FTCD: variants seen among roughly 807,000 people sequenced by gnomAD.
The protein encoded by FTCD is formimidoyltransferase cyclodeaminase, also known as formimidoyltransferase-cyclodeaminase.
Under a neutral mutation model 62.9 loss-of-function variants are expected in FTCD, and 76 were observed. The ratio of observed to expected loss-of-function variants is 1.21; its 90% CI spans 1.00 to 1.46. The LOEUF is 1.46. Ranked by LOEUF, FTCD falls within the 40% of genes most tolerant of loss-of-function variation. The pLI, the probability that FTCD is intolerant of heterozygous loss-of-function variation, is 0.00. For missense variants in FTCD, 845 were observed against 751.3 expected, an observed-to-expected ratio of 1.12 and a Z score of -1.46; for synonymous variants, 397 against 336.9, an observed-to-expected ratio of 1.18 and a Z score of -1.95.
Position 46,137,347 on chromosome 21 carries a change from C to T in FTCD, c.1444-13G>A. On this transcript the variant is annotated splice_polypyrimidine_tract_variant and intron_variant, in intron 12 of 13. Coordinates refer to ENST00000397746, the MANE Select transcript of FTCD (RefSeq NM_206965.2). ...CTTTGGCCGCCACCTGCAAGGACCC[C>T]AGGGAGCCCCTACATGGATCAAGGC... The T allele has an allele frequency of 1.2e-6, 2 of 1,601,494 alleles. No homozygotes were observed. The highest frequency in any genetic ancestry group is 8.6e-7 in the Non-Finnish European group (1 of 1,169,510).
intron 5 of FTCD, 132 bp from the exon 6 acceptor site, chr21:46,150,657 C>T: frequency 1.1e-6 from 1 of 936,844 alleles, no homozygotes; most frequent in Non-Finnish European, 1.7e-6. Context: ...TGTGGTTCTC[C>T]TCCGTCCCTC....
chr21:46,150,320 G>C lies in FTCD; in HGVS notation c.774+68C>G. 2.5e-6 allele frequency: 4 copies of C among 1,610,072 alleles called. No homozygotes were observed. The South Asian group carries it at 4.4e-5, about 18-fold the overall frequency. The stretch of plus-strand genomic sequence containing the variant: ...AATGGCCCTGGCTGGAGGATGTGGG[G>C]CCCCCGCCCTGCCCACGGGACAGAT... On this transcript the variant is annotated intron_variant, in intron 6 of 13. Coordinates refer to ENST00000397746, the MANE Select transcript of FTCD (RefSeq NM_206965.2).
At position 46,138,612 on chromosome 21, in the gene FTCD, C is replaced by T. The variant is rs750414357; in HGVS notation, c.1339G>A (p.Ala447Thr). 1 of 1,592,476 alleles carries T rather than the reference C, an allele frequency of 6.3e-7. No homozygotes were observed. The highest frequency in any genetic ancestry group is 1.7e-5 in the Admixed American group (1 of 58,658). The change falls in exon 12 of 14, where the codon GCA (alanine) becomes ACA (threonine). Residue 447 changes from alanine (A) to threonine (T), a missense_variant. Coordinates refer to ENST00000397746, the MANE Select transcript of FTCD (RefSeq NM_206965.2). ...GCCAGCGTCAGCGGCACAGAGACTGCCCGCCTCAGACCCTCCTGTAGGGCC... is the reference window on the plus strand; with the variant it reads ...GCCAGCGTCAGCGGCACAGAGACTGTCCGCCTCAGACCCTCCTGTAGGGCC... ...TAALQEGLRR[A>T]VSVPLTLAET... is the part of the protein sequence containing the mutation.
chr21:46,144,792 G>A (rs1332383092), intron 10 of FTCD, among the ~76,000 whole-genome samples: 1 of 142,938 alleles, frequency 7.0e-6, no homozygotes, highest in Non-Finnish European at 1.5e-5. Flanking sequence ...GAACTGCTTG[G>A]GAGCATCCTG....
At chr21:46,145,980 C>T in intron 8 of FTCD, 33 bp from the exon 9 acceptor site, 3 of 1,347,528 alleles carry the variant, frequency 2.2e-6, no homozygotes, top group East Asian at 2.7e-5. Flanking sequence ...CGGGTCTGGC[C>T]GGGGTTGGTG....
chr21:46,141,991 A>C (rs2079019683), intron 10 of FTCD: 1 of 152,258 alleles, frequency 6.6e-6, no homozygotes, highest in African/African-American at 2.4e-5. Context: ...GCTGTGTGCG[A>C]GGGGAAGGAA....
At chr21:46,146,933 C>G (rs528574280) in intron 7 of FTCD, 4 of 153,062 alleles carry the variant, frequency 2.6e-5, no homozygotes, top group South Asian at 2.1e-4. Context: ...AGTGCCTCCC[C>G]GTGGCATAGA....
At chr21:46,152,321 G>T in intron 3 of FTCD, 2 of 292,822 alleles carry the variant, frequency 6.8e-6, no homozygotes, top group Admixed American at 9.5e-5. Context: ...TAAATATAAC[G>T]GCAGAGAAGA....
intron 10 of FTCD, among the ~76,000 whole-genome samples, chr21:46,143,841 G>T (rs1272129461): frequency 2.0e-5 from 3 of 152,134 alleles, no homozygotes; most frequent in Admixed American, 2.0e-4. Context: ...AGAAGACTCT[G>T]GTCCACCACC....
chr21:46,143,241 G>A (rs564444923), intron 10 of FTCD, among the ~76,000 whole-genome samples: 1 of 151,964 alleles, frequency 6.6e-6, no homozygotes, highest in African/African-American at 2.4e-5. Flanking sequence ...AGAAACACAG[G>A]CGCCCCCACC....
At chr21:46,150,282 G>A (rs1487298685) in intron 6 of FTCD, 32 bp from the exon 7 acceptor site, 1 of 1,608,660 alleles carries the variant, frequency 6.2e-7, no homozygotes, top group Non-Finnish European at 8.5e-7. Context: ...CACCCCCTGG[G>A]GGCTGGCTGG....
chr21:46,142,869 G>A (rs2079052818), intron 10 of FTCD: 1 of 152,246 alleles, frequency 6.6e-6, no homozygotes, highest in African/African-American at 2.4e-5. Flanking sequence ...CCTTTAGCTA[G>A]ACACAGAGCA....
At chr21:46,146,126 TGGC>T (rs2079141941) in intron 8 of FTCD, 137 bp downstream of exon 8, 6 of 760,284 alleles carry the variant, frequency 7.9e-6, no homozygotes, top group Non-Finnish European at 1.3e-5. Flanking sequence ...GACCCCGGCT[TGGC>T]GCAGGCCGAG....
rs727503938 is a variant in FTCD at position 46,137,030 on chromosome 21, T to C, written c.1583A>G (p.Gln528Arg). ...VSSLLQEAKTQAALVLDCLET... is the reference protein window; with the variant it reads ...VSSLLQEAKTRAALVLDCLET... ...CAAGCAGTCCAGCACCAGTGCAGCC[T>C]GGGTCTTGGCTTCCTGCAGGAGGCT... is the stretch of plus-strand genomic sequence containing the variant. Residue 528 changes from glutamine to arginine, a missense_variant, in exon 14 of 14, where the codon CAG becomes CGG. Physicochemically the swap from Gln to Arg is conservative, Grantham distance 43 (BLOSUM62 1). Transcript: ENST00000397746. The C allele has an allele frequency of 1.9e-6, 3 of 1,613,566 alleles. No homozygotes were observed. The highest frequency in any genetic ancestry group is 4.5e-5 in the East Asian group (2 of 44,892).
In FTCD at chr21:46,151,198, G is replaced by A. The variant is rs111682727; in HGVS notation, c.636+360C>T. Among the ~76,000 whole-genome samples the A allele has an allele frequency of 8.1e-4, 124 of 152,158 alleles. 1 individual carries two copies. Among genetic ancestry groups the A allele is most frequent in the African/African-American group, 2.6e-3 (107 of 41,514 alleles). ...GCACCTGAAGGTTTGTAGGGGTGTC[G>A]GGGCTCCCAAGGCATCTGGAGGGAT... On this transcript the variant is annotated intron_variant, in intron 5 of 13. Coordinates refer to ENST00000397746, the MANE Select transcript of FTCD (RefSeq NM_206965.2).
intron 10 of FTCD, among the ~76,000 whole-genome samples, chr21:46,143,742 A>G (rs1214910657): frequency 6.6e-6 from 1 of 152,160 alleles, no homozygotes; most frequent in African/African-American, 2.4e-5. Flanking sequence ...CAAGCGGAGC[A>G]TGGTCTATGG....
intron 10 of FTCD, 25 bp from the exon 11 acceptor site, chr21:46,138,948 G>C (rs375497689): frequency 6.3e-7 from 1 of 1,599,532 alleles, no homozygotes; most frequent in African/African-American, 1.3e-5. Flanking sequence ...CAGAACCACT[G>C]GGCGAGGGAC....
intron 10 of FTCD, 60 bp downstream of exon 10, chr21:46,145,357 C>A: frequency 1.4e-6 from 2 of 1,422,306 alleles, no homozygotes; most frequent in Non-Finnish European, 1.9e-6. Flanking sequence ...CTCACTGGGG[C>A]CCCAGCTGGG....
At position 46,152,942 on chromosome 21, in the gene FTCD, A is replaced by AAGGCCAG; in HGVS notation, c.331_332insCTGGCCT (p.Phe111SerfsTer43). ...CAGCTCCTCTGCCAGCCTCTGGCCAAAGGCCTGGGCGCAGAGCACACACTC... is the reference window on the plus strand; with the variant it reads ...CAGCTCCTCTGCCAGCCTCTGGCCAAAGGCCAGAGGCCTGGGCGCAGAGCACACACTC... On this transcript the variant is annotated frameshift_variant, in exon 3 of 14. Transcript: ENST00000397746. LOFTEE classifies it high-confidence loss of function. 1 of 1,565,330 alleles carries AAGGCCAG rather than the reference A, an allele frequency of 6.4e-7. No individual in the cohort carries two copies. The highest frequency in any genetic ancestry group is 1.7e-4 in the Middle Eastern group (1 of 5,982).
Sources: gnomAD v4.1 joint callset for allele counts (sites outside exome capture counted in the v4.1 genomes callset) on GRCh38, gnomAD v4.1.1 for gene constraint, MANE v1.5 for transcripts, NCBI Gene and HGNC (gene_info 2026-07-23, HGNC 2026-07-21) for gene names.